The following RAB27A variants were observed in gnomAD, a reference collection of about 807,000 sequenced individuals.
RAB27A encodes the protein RAB27A, member RAS oncogene family.
In RAB27A, 17 loss-of-function variants were observed where a neutral mutation model predicts 20.8. The ratio of observed to expected loss-of-function variants is 0.82; its 90% CI spans 0.56 to 1.23. The LOEUF is 1.23. Ranked by LOEUF, RAB27A falls within the 50% of genes most tolerant of loss-of-function variation. The pLI is 0.00. For synonymous variants in RAB27A, 85 were observed against 92.8 expected (o/e 0.92, Z 0.48); for missense variants, 277 against 266.7 (o/e 1.04, Z -0.27).
At chr15:55,225,108 C>A (rs1895744899) in intron 5 of RAB27A, among the ~76,000 whole-genome samples, 1 of 152,222 alleles carries the variant, frequency 6.6e-6, no homozygotes, top group Non-Finnish European at 1.5e-5. Flanking sequence ...GCTGTTCCCA[C>A]ATCACTGAAT....
At chr15:55,305,667 A>C (rs1199370703) in intron 2 of RAB27A, among the ~76,000 whole-genome samples, 1 of 152,222 alleles carries the variant, frequency 6.6e-6, no homozygotes, top group African/African-American at 2.4e-5. Context: ...ATTGATTAAC[A>C]TAATAACAGC....
At position 55,303,647 on chromosome 15, in the gene RAB27A, C is replaced by T. The variant is rs1198418721; in HGVS notation, c.-112+10392G>A. ...CCCCCGCCCGGCCAGCCGCCCCGTC[C>T]GGGAGGGAGGTGGGGGGGGTCAGCC... On this transcript the variant is annotated intron_variant, in intron 2 of 5. Transcript: ENST00000563262. Among the ~76,000 whole-genome samples, 62 of 105,668 alleles carry T rather than the reference C, an allele frequency of 5.9e-4. 2 individuals carry two copies. Among genetic ancestry groups the T allele is most frequent in the Non-Finnish European group, 1.4e-4 (7 of 51,328 alleles). The allele number at this position is 105,668 out of a possible 152,430, so 69.3% of individuals were successfully genotyped here. A position where few individuals can be genotyped will look rare whatever the true frequency, so the allele number is the denominator to read the frequency against.
intron 2 of RAB27A, among the ~76,000 whole-genome samples, chr15:55,264,965 C>T (rs930126999): frequency 1.2e-4 from 18 of 152,194 alleles, no homozygotes; most frequent in South Asian, 8.3e-4. Flanking sequence ...CTATAGGGCC[C>T]GGCATGGTGG....
At chr15:55,259,914 T>A (rs541618874) in intron 2 of RAB27A, 1 of 152,184 alleles carries the variant, frequency 6.6e-6, no homozygotes, top group South Asian at 2.1e-4. Flanking sequence ...TTACGACTGG[T>A]ACCCACCTTA....
upstream of RAB27A, among the ~76,000 whole-genome samples, chr15:55,290,557 A>C (rs1160186004): frequency 6.6e-6 from 1 of 152,264 alleles, no homozygotes; most frequent in Non-Finnish European, 1.5e-5. Context: ...TGAGTTTAAA[A>C]AGAAGAAAAC....
chr15:55,317,029 C>T (rs777606983), intron 1 of RAB27A, among the ~76,000 whole-genome samples: 1 of 152,152 alleles, frequency 6.6e-6, no homozygotes, highest in Non-Finnish European at 1.5e-5. Flanking sequence ...AGACTGGCAC[C>T]CCATGATACT....
chr15:55,218,717 T>G (rs1446743293), intron 6 of RAB27A, among the ~76,000 whole-genome samples: 1 of 151,896 alleles, frequency 6.6e-6, no homozygotes, highest in Non-Finnish European at 1.5e-5. Context: ...ATATGTACAT[T>G]CAGTTGTCAT....
intron 2 of RAB27A, among the ~76,000 whole-genome samples, chr15:55,261,525 C>T (rs1246830431): frequency 1.3e-5 from 2 of 148,894 alleles, no homozygotes; most frequent in Non-Finnish European, 3.0e-5. Flanking sequence ...ATCAGGAGTT[C>T]AAGACCAGCC....
chr15:55,282,769 C>T (rs1181439475), intron 1 of RAB27A, among the ~76,000 whole-genome samples: 1 of 152,126 alleles, frequency 6.6e-6, no homozygotes, highest in Non-Finnish European at 1.5e-5. Context: ...CTCACTTCCT[C>T]CTGCTGGTAG....
intron 2 of RAB27A, among the ~76,000 whole-genome samples, chr15:55,261,972 G>A (rs962464238): frequency 1.3e-5 from 2 of 151,504 alleles, no homozygotes; most frequent in Non-Finnish European, 2.9e-5. Context: ...AGGAGACAGA[G>A]GTTGCAGTGA....
intron 2 of RAB27A, among the ~76,000 whole-genome samples, chr15:55,254,340 A>G (rs1294824659): frequency 6.6e-6 from 1 of 152,132 alleles, no homozygotes; most frequent in African/African-American, 2.4e-5. Context: ...AAATAAACCA[A>G]CACATCTAAC....
Position 55,244,591 on chromosome 15 carries a change from A to T in RAB27A, c.-22-9635T>A, listed in dbSNP as rs534503374. On this transcript the variant is annotated intron_variant, in intron 2 of 6. Coordinates refer to ENST00000336787, the MANE Select transcript of RAB27A (RefSeq NM_183235.3). ...TATAAAGAGAAACATAAGGTATATT[A>T]TAAAGAATTTTTTATCTGAAAATAT... 7.9e-5 allele frequency among the ~76,000 whole-genome samples: 12 copies of T among 152,322 alleles called. No homozygotes were observed. The East Asian group carries it at 2.1e-3, about 27-fold the overall frequency.
chr15:55,311,460 T>C (rs896553392), intron 2 of RAB27A, among the ~76,000 whole-genome samples: 11 of 151,206 alleles, frequency 7.3e-5, no homozygotes, highest in Admixed American at 5.3e-4. Flanking sequence ...TTTGGACAGT[T>C]TGGGTTGAAG....
chr15:55,211,467 A>G (rs1256466898), intron 6 of RAB27A, among the ~76,000 whole-genome samples: 1 of 151,932 alleles, frequency 6.6e-6, no homozygotes, highest in Non-Finnish European at 1.5e-5. Context: ...TAGATGCTTC[A>G]CTTCTTTGGT....
rs1406864264 is a variant in RAB27A at position 55,276,477 on chromosome 15, C to T, written c.-142-6193G>A. 2.6e-5 allele frequency among the ~76,000 whole-genome samples: 4 copies of T among 152,204 alleles called. 1 individual carries two copies. The highest frequency in any genetic ancestry group is 9.6e-5 in the African/African-American group (4 of 41,526). ...CCCAGCTACTCAAGAGGCTGAGGCG[C>T]GACAATTGCTTGAGCCTATGACTTC... On this transcript the variant is annotated intron_variant, in intron 1 of 6. Transcript: ENST00000336787.
chr15:55,234,676 T>G, intron 3 of RAB27A, 106 bp downstream of exon 3: 18 of 1,288,978 alleles, frequency 1.4e-5, no homozygotes, highest in Non-Finnish European at 1.8e-5. Flanking sequence ...TACCTTTAAT[T>G]TCAGATCCCA....
At chr15:55,241,060 A>T (rs1896460091) in intron 2 of RAB27A, among the ~76,000 whole-genome samples, 2 of 152,222 alleles carry the variant, frequency 1.3e-5, no homozygotes, top group South Asian at 4.1e-4. Context: ...ATTAGCTGTT[A>T]TTAGCAGCAG....
chr15:55,208,612 T>C (rs1894766438), intron 6 of RAB27A, among the ~76,000 whole-genome samples: 1 of 152,144 alleles, frequency 6.6e-6, no homozygotes, highest in Admixed American at 6.5e-5. Context: ...AAGAAAGGAC[T>C]CTTCCTCTGT....
intron 2 of RAB27A, among the ~76,000 whole-genome samples, chr15:55,304,917 T>C (rs1217232785): frequency 6.6e-6 from 1 of 152,050 alleles, no homozygotes; most frequent in Non-Finnish European, 1.5e-5. Flanking sequence ...AAAACGGAGC[T>C]CCCATACAAA....
Sources: allele counts gnomAD v4.1 joint callset (sites outside exome capture counted in the v4.1 genomes callset), GRCh38; gene constraint gnomAD v4.1.1; transcripts MANE v1.5; gene names NCBI Gene and HGNC (gene_info 2026-07-23, HGNC 2026-07-21).